Variants in SYT17 observed in about 807,000 individuals in gnomAD.
The protein encoded by SYT17 is synaptotagmin-17.
SYT17 carries 22 observed loss-of-function variants against 46.7 expected under a neutral mutation model. The observed-to-expected ratio is 0.47, with a 90% CI of 0.34 to 0.67. The LOEUF is 0.67. Ranked by LOEUF, SYT17 falls within the 30% of genes least tolerant of loss-of-function variation. SYT17 has a pLI of 0.01. For missense variants in SYT17, 519 were observed against 612.8 expected (o/e 0.85, Z 1.62); for synonymous variants, 251 against 248.4 (o/e 1.01, Z -0.10).
intron 4 of SYT17, 82 bp downstream of exon 4, chr16:19,180,621 G>A: frequency 1.3e-6 from 2 of 1,553,426 alleles, no homozygotes; most frequent in South Asian, 1.1e-5. Context: ...GAAGGGCAGT[G>A]TTATTGCTGG....
chr16:19,223,157 A>C lies in SYT17; in HGVS notation c.1064A>C (p.Gln355Pro). Residue 355 changes from glutamine (Q) to proline (P), a missense_variant, in exon 6 of 8, where the codon CAA becomes CCA. Gln to Pro is a moderately conservative substitution (Grantham distance 76). Coordinates refer to ENST00000355377, the MANE Select transcript of SYT17 (RefSeq NM_016524.4). The stretch of plus-strand genomic sequence containing the variant: ...CAACTTCTTCAGACAGATGTGAGCC[A>C]AGGTTCAGGTACCGTGTGATTCCCC... ...AKQLLQTDVS[Q>P]GSDPFVKIQL... 6.2e-7 allele frequency: 1 copy of C among 1,613,790 alleles called. No individual in the cohort carries two copies. The highest frequency in any genetic ancestry group is 8.5e-7 in the Non-Finnish European group (1 of 1,179,760).
chr16:19,172,207 G>A (rs1030414430), intron 1 of SYT17: 8 of 472,962 alleles, frequency 1.7e-5, no homozygotes, highest in Admixed American at 5.2e-5. Flanking sequence ...TCCTCAAGAG[G>A]ACCAGATTAG....
intron 5 of SYT17, among the ~76,000 whole-genome samples, chr16:19,198,956 G>T (rs1275040095): frequency 6.6e-6 from 1 of 152,222 alleles, no homozygotes; most frequent in African/African-American, 2.4e-5. Flanking sequence ...GGATTGAGAA[G>T]ATGAGGCTAT....
At chr16:19,230,050 G>T (rs545934022) in intron 7 of SYT17, among the ~76,000 whole-genome samples, 1 of 152,304 alleles carries the variant, frequency 6.6e-6, no homozygotes, top group African/African-American at 2.4e-5. Flanking sequence ...ATCAGGGGCT[G>T]GGGGAAGGAC....
chr16:19,238,295 T>G (rs1287597176), intron 7 of SYT17, among the ~76,000 whole-genome samples: 1 of 152,190 alleles, frequency 6.6e-6, no homozygotes, highest in African/African-American at 2.4e-5. Flanking sequence ...CAAAAGGAAA[T>G]AATGTATAAA....
At chr16:19,175,152 T>C (rs889892088) in intron 3 of SYT17, among the ~76,000 whole-genome samples, 4 of 152,032 alleles carry the variant, frequency 2.6e-5, no homozygotes, top group Non-Finnish European at 4.4e-5. Flanking sequence ...AATAAATAAA[T>C]GAGATATGCA....
intron 7 of SYT17, among the ~76,000 whole-genome samples, chr16:19,253,310 C>T (rs1375912925): frequency 6.6e-6 from 1 of 152,040 alleles, no homozygotes; most frequent in Non-Finnish European, 1.5e-5. Flanking sequence ...AATCCCAAGA[C>T]TTTGGGAGGC....
chr16:19,245,385 A>G (rs986644456), intron 7 of SYT17, among the ~76,000 whole-genome samples: 1 of 152,158 alleles, frequency 6.6e-6, no homozygotes. Flanking sequence ...CTATGGTGCC[A>G]AAGTGAAGAA....
At chr16:19,248,341 A>G (rs180803208) in intron 7 of SYT17, among the ~76,000 whole-genome samples, 1 of 152,346 alleles carries the variant, frequency 6.6e-6, no homozygotes, top group East Asian at 1.9e-4. Flanking sequence ...ATATATATTT[A>G]CCATCCAACC....
At chr16:19,187,607 A>G (rs557276411) in intron 5 of SYT17, among the ~76,000 whole-genome samples, 1 of 152,188 alleles carries the variant, frequency 6.6e-6, no homozygotes, top group Non-Finnish European at 1.5e-5. Context: ...TCACACAAAG[A>G]GAGGCACTGG....
intron 4 of SYT17, among the ~76,000 whole-genome samples, chr16:19,180,780 TTTGA>T (rs919403299): frequency 4.6e-5 from 7 of 152,156 alleles, no homozygotes; most frequent in African/African-American, 7.2e-5. Context: ...TAATTTTAAG[TTTGA>T]TTGAATTGGC....
chr16:19,184,661 ATG>A (rs1210702193), intron 5 of SYT17, among the ~76,000 whole-genome samples: 2 of 151,354 alleles, frequency 1.3e-5, no homozygotes, highest in Non-Finnish European at 2.9e-5. Context: ...TGCATCACTC[ATG>A]TGTGTGTCTT....
intron 7 of SYT17, among the ~76,000 whole-genome samples, chr16:19,264,042 T>C (rs578063950): frequency 6.6e-6 from 1 of 152,188 alleles, no homozygotes; most frequent in Non-Finnish European, 1.5e-5. Context: ...AGTGCCCTTA[T>C]AGAAGATGCC....
chr16:19,252,630 T>A (rs1968269726), intron 7 of SYT17, among the ~76,000 whole-genome samples: 1 of 145,886 alleles, frequency 6.9e-6, no homozygotes, highest in Non-Finnish European at 1.5e-5. Flanking sequence ...AAATGAAGCA[T>A]CATTCTAAAG....
intron 7 of SYT17, among the ~76,000 whole-genome samples, chr16:19,263,887 A>T (rs1264726487): frequency 6.6e-6 from 1 of 152,218 alleles, no homozygotes; most frequent in Admixed American, 6.5e-5. Flanking sequence ...CCTCCAAATT[A>T]TTCAGCTGCT....
intron 5 of SYT17, among the ~76,000 whole-genome samples, chr16:19,220,305 T>TTCTTTC (rs1377192229): frequency 1.7e-4 from 21 of 127,022 alleles, no homozygotes; most frequent in South Asian, 2.8e-4. Flanking sequence ...CTTTCTTTCT[T>TTCTTTC]TTTTTTTTTT....
chr16:19,210,472 G>A (rs1168029059), intron 5 of SYT17, among the ~76,000 whole-genome samples: 1 of 144,910 alleles, frequency 6.9e-6, no homozygotes, highest in Non-Finnish European at 1.5e-5. Context: ...TTTTAAAAGG[G>A]TATTTTTTTT....
chr16:19,264,757 G>T (rs1021424357), intron 7 of SYT17, among the ~76,000 whole-genome samples: 4 of 151,906 alleles, frequency 2.6e-5, no homozygotes, highest in African/African-American at 7.3e-5. Flanking sequence ...ATGTCTGGCT[G>T]ATTTTTTGTA....
intron 7 of SYT17, among the ~76,000 whole-genome samples, chr16:19,246,375 A>G (rs1236477099): frequency 6.6e-6 from 1 of 150,388 alleles, no homozygotes; most frequent in Non-Finnish European, 1.5e-5. Context: ...ATAAATTGAT[A>G]TCCATTAATG....
Sources: gnomAD v4.1 joint callset for allele counts (sites outside exome capture counted in the v4.1 genomes callset) on GRCh38, gnomAD v4.1.1 for gene constraint, MANE v1.5 for transcripts, NCBI Gene and HGNC (gene_info 2026-07-23, HGNC 2026-07-21) for gene names.